The following MIER3 variants were observed in gnomAD, a reference collection of about 807,000 sequenced individuals.
MIER3 encodes MIER family member 3.
In MIER3, 9 loss-of-function variants were observed where a neutral mutation model predicts 63.2. The observed-to-expected ratio is 0.14, with a 90% confidence interval of 0.09 to 0.25. The LOEUF (loss-of-function observed/expected upper bound fraction) is 0.25, where lower values mean the gene tolerates loss of function less well. Among genes scored for constraint, MIER3 ranks in the 10% least tolerant of loss-of-function variants. MIER3 has a pLI of 1.00. For synonymous variants in MIER3, 205 were observed against 224.9 expected (o/e 0.91, Z 0.79); for missense variants, 512 against 666.2 (o/e 0.77, Z 2.55).
intron 2 of MIER3, among the ~76,000 whole-genome samples, chr5:56,949,125 G>A (rs1750928533): frequency 6.6e-6 from 1 of 152,158 alleles, no homozygotes; most frequent in Non-Finnish European, 1.5e-5. Flanking sequence ...GGAGGCCGAG[G>A]CAGGCGGATC....
In MIER3 at chr5:56,923,716, G is replaced by C; in HGVS notation, c.1170C>G (p.Asn390Lys). 1 of 1,614,244 alleles carries C rather than the reference G, an allele frequency of 6.2e-7. No homozygotes were observed. Among genetic ancestry groups the C allele is most frequent in the Non-Finnish European group, 8.5e-7 (1 of 1,180,030 alleles). ...PIPDQQLNIL[N>K]SFTASDLTAL... ...CTGTCAAGTCACTGGCAGTGAAGGA[G>C]TTGAGAATGTTTAGCTGTTGATCAG... The change falls in exon 12 of 13, where the codon AAC becomes AAG. Residue 390 changes from asparagine (N) to lysine (K), a missense_variant. Transcript: ENST00000381199.
chr5:56,944,935 G>A (rs542723960), intron 3 of MIER3, among the ~76,000 whole-genome samples: 2 of 152,136 alleles, frequency 1.3e-5, no homozygotes, highest in South Asian at 2.1e-4. Flanking sequence ...GGGCTCAAGC[G>A]ATCATCCCAC....
chr5:56,926,496 C>T (rs959999658), intron 10 of MIER3, among the ~76,000 whole-genome samples: 1 of 151,804 alleles, frequency 6.6e-6, no homozygotes, highest in Non-Finnish European at 1.5e-5. Flanking sequence ...AGATGGTCAA[C>T]ATCATCCTCA....
In MIER3 at chr5:56,950,633, C is replaced by A; in HGVS notation, c.29G>T (p.Ser10Ile). Residue 10 changes from serine to isoleucine, a missense_variant, in exon 2 of 13, where the codon AGC becomes ATC. Coordinates refer to ENST00000381199, the MANE Select transcript of MIER3 (RefSeq NM_001297599.2). MAEASFGSS[S>I]PVGSLSSEDH... ...CGTAAGAAAATAGGACAAACCTGGGCTCGAACTTCCAAAAGAAGCCTAGGA... is the reference window on the plus strand; with the variant it reads ...CGTAAGAAAATAGGACAAACCTGGGATCGAACTTCCAAAAGAAGCCTAGGA... The A allele has an allele frequency of 1.9e-6, 3 of 1,613,846 alleles. No homozygotes were observed. The highest frequency in any genetic ancestry group is 2.5e-6 in the Non-Finnish European group (3 of 1,179,882).
intron 5 of MIER3, among the ~76,000 whole-genome samples, chr5:56,936,370 T>C (rs1750446187): frequency 1.3e-5 from 2 of 152,124 alleles, no homozygotes; most frequent in African/African-American, 2.4e-5. Context: ...CAGAGTTGCA[T>C]ATCAGGTCCA....
chr5:56,922,857 A>C lies in MIER3; in HGVS notation c.*271T>G. On this transcript the variant is annotated 3_prime_UTR_variant, in exon 13 of 13. Coordinates refer to ENST00000381199, the MANE Select transcript of MIER3 (RefSeq NM_001297599.2). Reference sequence around the variant, plus strand: ...AAAAAGAAGGGAGTGGGGAAGAGGTATTGGGAGATGAGGAAGAGAGAAGCA... The same window carrying C: ...AAAAAGAAGGGAGTGGGGAAGAGGTCTTGGGAGATGAGGAAGAGAGAAGCA... The C allele has an allele frequency of 2.4e-6, 1 of 413,024 alleles. No individual in the cohort carries two copies. Among genetic ancestry groups the C allele is most frequent in the Non-Finnish European group, 4.5e-6 (1 of 223,652 alleles). 25.6% of individuals were successfully genotyped at this position (413,024 alleles called of 1,614,324 possible).
chr5:56,923,062 G>T lies in MIER3; in HGVS notation c.*66C>A. ...GTTCAAACTTCCAGTGAAAGACTAT[G>T]CAAACCTGATAGCTCCCCTCAAGTT... On this transcript the variant is annotated 3_prime_UTR_variant, in exon 13 of 13. Coordinates refer to ENST00000381199, the MANE Select transcript of MIER3 (RefSeq NM_001297599.2). 1 of 1,398,092 alleles carries T rather than the reference G, an allele frequency of 7.2e-7. No homozygotes were observed. Among genetic ancestry groups the T allele is most frequent in the Non-Finnish European group, 9.9e-7 (1 of 1,008,798 alleles). The allele number at this position is 1,398,092 out of a possible 1,614,324, so 86.6% of individuals were successfully genotyped here.
chr5:56,927,880 C>T (rs1274099542), intron 10 of MIER3: 2 of 152,234 alleles, frequency 1.3e-5, no homozygotes, highest in East Asian at 3.8e-4. Context: ...TCACTTCTCC[C>T]TCCTGCCTCG....
At chr5:56,926,260 TA>T (rs144165320) in intron 10 of MIER3, among the ~76,000 whole-genome samples, 12,779 of 151,930 alleles carry the variant, frequency 0.084, 967 homozygotes, top group East Asian at 0.35. Flanking sequence ...TAATTAAAAT[TA>T]AAAACTTTTA....
chr5:56,928,000 T>C lies in MIER3; in HGVS notation c.924+767A>G, dbSNP rs557854166. 2.1e-4 allele frequency: 32 copies of C among 152,310 alleles called. 1 individual carries two copies. The highest frequency in any genetic ancestry group is 2.0e-3 in the Admixed American group (31 of 15,296). 9.4% of individuals were successfully genotyped at this position (152,310 alleles called of 1,614,324 possible). ...TCTTTTCAGATTGGCTTCCTTCACT[T>C]AATAATATGCATTTAGGATTTCACA... On this transcript the variant is annotated intron_variant, in intron 10 of 12. Transcript: ENST00000381199.
chr5:56,940,055 C>T (rs750486857), intron 3 of MIER3, among the ~76,000 whole-genome samples: 4 of 152,152 alleles, frequency 2.6e-5, no homozygotes, highest in African/African-American at 4.8e-5. Context: ...CAAGGCCAGT[C>T]GCAGTGGCTC....
Position 56,919,907 on chromosome 5 carries a change from T to A in MIER3, c.*3221A>T, listed in dbSNP as rs1365458833. 1.3e-5 allele frequency: 2 copies of A among 152,636 alleles called. No homozygotes were observed. Among genetic ancestry groups the A allele is most frequent in the African/African-American group, 2.4e-5 (1 of 41,468 alleles). 9.5% of individuals were successfully genotyped at this position (152,636 alleles called of 1,614,324 possible). On this transcript the variant is annotated 3_prime_UTR_variant, in exon 13 of 13. Coordinates refer to ENST00000381199, the MANE Select transcript of MIER3 (RefSeq NM_001297599.2). ...CCATTTAGTGAAAAAATTAGGAACT[T>A]TTTAAAAAACATAGTAACGTCAATA...
At chr5:56,936,434 A>G (rs759448518) in intron 5 of MIER3, among the ~76,000 whole-genome samples, 4 of 152,120 alleles carry the variant, frequency 2.6e-5, no homozygotes, top group African/African-American at 4.8e-5. Context: ...CTTATTGACC[A>G]AACAGTTCTT....
intron 8 of MIER3, among the ~76,000 whole-genome samples, chr5:56,931,160 C>T (rs1750253097): frequency 6.6e-6 from 1 of 152,172 alleles, no homozygotes; most frequent in Non-Finnish European, 1.5e-5. Flanking sequence ...CAGCAGCAGG[C>T]CTGGAATAAT....
upstream of MIER3, chr5:56,952,153 G>A (rs1224498542): frequency 2.5e-6 from 3 of 1,199,762 alleles, no homozygotes; most frequent in African/African-American, 3.3e-5. Context: ...CCCCGGATGG[G>A]GCGCCTGAGC....
chr5:56,929,504 A>G (rs1279522575), intron 9 of MIER3: 1 of 152,168 alleles, frequency 6.6e-6, no homozygotes, highest in Non-Finnish European at 1.5e-5. Context: ...GATCAAGGCT[A>G]TACTAAGCTG....
At chr5:56,926,503 C>T (rs1363145079) in intron 10 of MIER3, among the ~76,000 whole-genome samples, 1 of 151,874 alleles carries the variant, frequency 6.6e-6, no homozygotes, top group South Asian at 2.1e-4. Flanking sequence ...CAACATCATC[C>T]TCATGAGGGA....
intron 7 of MIER3, among the ~76,000 whole-genome samples, chr5:56,934,911 G>T (rs1750388260): frequency 6.6e-6 from 1 of 152,166 alleles, no homozygotes; most frequent in African/African-American, 2.4e-5. Context: ...ACCAACTACA[G>T]TTGGAATGCA....
Position 56,919,779 on chromosome 5 carries a change from TACTC to T in MIER3, c.*3345_*3348del, listed in dbSNP as rs1195283777. On this transcript the variant is annotated 3_prime_UTR_variant, in exon 13 of 13. Coordinates refer to ENST00000381199, the MANE Select transcript of MIER3 (RefSeq NM_001297599.2). ...TTCTGATTGTCACTAATTTATCTCA[TACTC>T]ACAGGGTACTTATTTCAAACTGGGA... is the stretch of plus-strand genomic sequence containing the variant. 1 of 152,638 alleles carries T rather than the reference TACTC, an allele frequency of 6.6e-6. No individual in the cohort carries two copies. Among genetic ancestry groups the T allele is most frequent in the Non-Finnish European group, 1.5e-5 (1 of 68,022 alleles). The allele number at this position is 152,638 out of a possible 1,614,324, so 9.5% of individuals were successfully genotyped here. A position where few individuals can be genotyped will look rare whatever the true frequency, so the allele number is the denominator to read the frequency against.
Sources: allele counts gnomAD v4.1 joint callset (sites outside exome capture counted in the v4.1 genomes callset), GRCh38; gene constraint gnomAD v4.1.1; transcripts MANE v1.5; gene names NCBI Gene and HGNC (gene_info 2026-07-23, HGNC 2026-07-21).